The following XPOT variants were observed in gnomAD, a reference collection of about 807,000 sequenced individuals.
XPOT encodes exportin-T.
Under a neutral mutation model 128.2 loss-of-function variants are expected in XPOT, and 34 were observed. That is an observed-to-expected ratio of 0.27 (90% CI 0.20 to 0.35). The LOEUF is 0.35. Among genes scored for constraint, XPOT ranks in the 10% least tolerant of loss-of-function variants. The pLI, the probability that XPOT is intolerant of heterozygous loss-of-function variation, is 1.00. For synonymous variants in XPOT, 348 were observed against 394.3 expected (o/e 0.88, Z 1.39); for missense variants, 838 against 1,125.3 (o/e 0.74, Z 3.65).
At chr12:64,417,973 A>G in intron 4 of XPOT, 73 bp from the exon 5 acceptor site, 3 of 1,216,328 alleles carry the variant, frequency 2.5e-6, no homozygotes, top group Non-Finnish European at 2.3e-6. Context: ...TTTCAAATAT[A>G]TGAGGCTGTT....
At chr12:64,408,640 T>C (rs1285776210) in intron 1 of XPOT, among the ~76,000 whole-genome samples, 9 of 151,754 alleles carry the variant, frequency 5.9e-5, no homozygotes, top group Admixed American at 3.9e-4. Flanking sequence ...TAAATAAGAG[T>C]AGTCAGTGTT....
Position 64,431,753 on chromosome 12 carries a change from T to C in XPOT, c.2192T>C (p.Leu731Pro). Reference protein sequence around the residue: ...PFIPSASEHMLKDCEAKDLQE... With the variant: ...PFIPSASEHMPKDCEAKDLQE... The stretch of plus-strand genomic sequence containing the variant: ...ATTCCATCTGCTTCAGAACATATGC[T>C]CAAAGATTGTGAAGCAAAAGATCTC... Residue 731 changes from leucine to proline, a missense_variant, in exon 18 of 25, where the codon CTC becomes CCC. Transcript: ENST00000332707. 16 of 1,614,096 alleles carry C rather than the reference T, an allele frequency of 9.9e-6. No individual in the cohort carries two copies. The highest frequency in any genetic ancestry group is 1.4e-5 in the Non-Finnish European group (16 of 1,180,000).
At chr12:64,415,848 A>G (rs901807875) in intron 3 of XPOT, among the ~76,000 whole-genome samples, 1 of 152,088 alleles carries the variant, frequency 6.6e-6, no homozygotes, top group African/African-American at 2.4e-5. Flanking sequence ...TCTCTGTACA[A>G]TGAGTGACGA....
At chr12:64,409,537 C>G (rs1001070038) in intron 1 of XPOT, 1 of 152,752 alleles carries the variant, frequency 6.5e-6, no homozygotes, top group African/African-American at 2.4e-5. Context: ...AGATCAAGAC[C>G]ATCCTGGCTA....
intron 4 of XPOT, 116 bp downstream of exon 4, chr12:64,416,870 G>C: frequency 1.1e-6 from 1 of 926,766 alleles, no homozygotes; most frequent in Non-Finnish European, 1.7e-6. Flanking sequence ...CAGTGTATAT[G>C]TTATATCCAG....
intron 2 of XPOT, among the ~76,000 whole-genome samples, 164 bp from the exon 3 acceptor site, chr12:64,414,743 C>T (rs1312772426): frequency 9.2e-5 from 14 of 152,140 alleles, no homozygotes; most frequent in Admixed American, 9.2e-4. Flanking sequence ...AGGAATGACC[C>T]CAAGTTGCAT....
At chr12:64,431,489 CTT>C in intron 17 of XPOT, 47 bp from the exon 18 acceptor site, 1 of 1,585,426 alleles carries the variant, frequency 6.3e-7, no homozygotes, top group Admixed American at 1.7e-5. Context: ...CTCCATAACA[CTT>C]TTAAAGAATA....
At chr12:64,414,818 G>A in intron 2 of XPOT, 89 bp from the exon 3 acceptor site, 2 of 803,854 alleles carry the variant, frequency 2.5e-6, no homozygotes, top group Non-Finnish European at 4.3e-6. Context: ...TTTGTTATAG[G>A]TTTGCAACTC....
At chr12:64,415,561 G>A (rs117068338) in intron 3 of XPOT, among the ~76,000 whole-genome samples, 2,613 of 151,864 alleles carry the variant, frequency 0.017, 40 homozygotes, top group Middle Eastern at 0.027. Context: ...ATTTCTTTTT[G>A]GTGGAGACAG....
In XPOT at chr12:64,428,131, G is replaced by A. The variant is rs776894127; in HGVS notation, c.1737+11G>A. The A allele has an allele frequency of 1.3e-6, 2 of 1,509,238 alleles. No homozygotes were observed. The highest frequency in any genetic ancestry group is 2.3e-5 in the South Asian group (2 of 88,086). 93.5% of individuals were successfully genotyped at this position (1,509,238 alleles called of 1,614,324 possible). A position where few individuals can be genotyped will look rare whatever the true frequency, so the allele number is the denominator to read the frequency against. ...GAGCTTTCTCCACCTGTAAGTATCTGTCTCTTTAAGATATTTTACCCAGAA... is the reference window on the plus strand; with the variant it reads ...GAGCTTTCTCCACCTGTAAGTATCTATCTCTTTAAGATATTTTACCCAGAA... On this transcript the variant is annotated intron_variant, in intron 16 of 24. Coordinates refer to ENST00000332707, the MANE Select transcript of XPOT (RefSeq NM_007235.6).
intron 11 of XPOT, among the ~76,000 whole-genome samples, chr12:64,423,772 A>T (rs1592331473): frequency 6.6e-6 from 1 of 152,150 alleles, no homozygotes; most frequent in Non-Finnish European, 1.5e-5. Context: ...GCCCTTTTAC[A>T]AATACTGTGT....
At chr12:64,427,369 C>G (rs1371592353) in intron 15 of XPOT, among the ~76,000 whole-genome samples, 1 of 152,122 alleles carries the variant, frequency 6.6e-6, no homozygotes, top group Non-Finnish European at 1.5e-5. Context: ...GATCCACCCT[C>G]TTCAGCCTCC....
At position 64,428,784 on chromosome 12, in the gene XPOT, A is replaced by T. The variant is rs377276466; in HGVS notation, c.1737+664A>T. Among the ~76,000 whole-genome samples the T allele has an allele frequency of 3.9e-5, 6 of 152,348 alleles. No individual in the cohort carries two copies. The East Asian group carries it at 9.6e-4, about 24-fold the overall frequency. The stretch of plus-strand genomic sequence containing the variant: ...GAGAAACATGTAAAAACATGACAGC[A>T]CTTCATAGGCCACTTTACACAATAA... On this transcript the variant is annotated intron_variant, in intron 16 of 24. Coordinates refer to ENST00000332707, the MANE Select transcript of XPOT (RefSeq NM_007235.6).
intron 23 of XPOT, among the ~76,000 whole-genome samples, chr12:64,441,747 C>T (rs1025092253): frequency 5.3e-5 from 8 of 152,106 alleles, no homozygotes; most frequent in African/African-American, 9.7e-5. Flanking sequence ...TGCAGAGGCA[C>T]GATCTTGGCT....
intron 2 of XPOT, among the ~76,000 whole-genome samples, chr12:64,410,806 A>C (rs1196025394): frequency 6.7e-6 from 1 of 150,038 alleles, no homozygotes; most frequent in Non-Finnish European, 1.5e-5. Context: ...ACTATAGCTG[A>C]ATGATAGAAA....
At chr12:64,430,952 T>G (rs1178031399) in intron 17 of XPOT, among the ~76,000 whole-genome samples, 2 of 152,126 alleles carry the variant, frequency 1.3e-5, no homozygotes, top group Admixed American at 1.3e-4. Flanking sequence ...TTTTTTCTTT[T>G]TTTTGTGGGG....
intron 23 of XPOT, among the ~76,000 whole-genome samples, chr12:64,441,363 C>T (rs964191487): frequency 2.0e-5 from 3 of 152,230 alleles, no homozygotes; most frequent in Non-Finnish European, 4.4e-5. Flanking sequence ...CAACTACAAA[C>T]GCCTGGACTC....
intron 23 of XPOT, among the ~76,000 whole-genome samples, chr12:64,440,279 G>A (rs1300661708): frequency 6.6e-6 from 1 of 152,126 alleles, no homozygotes; most frequent in Non-Finnish European, 1.5e-5. Flanking sequence ...GTTCATCCAT[G>A]TTGTTACATA....
intron 23 of XPOT, 101 bp from the exon 24 acceptor site, chr12:64,444,972 TAA>T (rs71092967): frequency 0.09 from 54,058 of 599,610 alleles, 10 homozygotes; most frequent in South Asian, 0.1. Flanking sequence ...GACCATCTCT[TAA>T]AAAAAAAAAA....
Sources: gnomAD v4.1 joint callset for allele counts (sites outside exome capture counted in the v4.1 genomes callset) on GRCh38, gnomAD v4.1.1 for gene constraint, MANE v1.5 for transcripts, NCBI Gene and HGNC (gene_info 2026-07-23, HGNC 2026-07-21) for gene names.